FGF14: variants seen among roughly 807,000 people sequenced by gnomAD.
The protein encoded by FGF14 is fibroblast growth factor homologous factor 4.
A neutral mutation model predicts 25.5 loss-of-function variants in FGF14; 5 were observed. The ratio of observed to expected loss-of-function variants is 0.20; its 90% CI spans 0.10 to 0.41. The LOEUF (loss-of-function observed/expected upper bound fraction) is 0.41. FGF14 is among the 10% of genes least tolerant of loss of function. FGF14 has a pLI of 1.00. For missense variants in FGF14, 222 were observed against 320.1 expected (o/e 0.69, Z 2.34); for synonymous variants, 138 against 118.3 (o/e 1.17, Z -1.08).
chr13:102,067,065 T>C (rs571957883), intron 1 of FGF14, among the ~76,000 whole-genome samples: 2 of 152,340 alleles, frequency 1.3e-5, no homozygotes, highest in Non-Finnish European at 2.9e-5. Context: ...CTTAAAACTA[T>C]GTTTCTGGAG....
At chr13:102,293,856 C>T (rs759672223) in intron 1 of FGF14, 6 of 152,196 alleles carry the variant, frequency 3.9e-5, no homozygotes, top group African/African-American at 7.2e-5. Context: ...AGTGTTATAA[C>T]GAATATTTTT....
At chr13:102,175,956 T>C (rs1028799875) in intron 1 of FGF14, among the ~76,000 whole-genome samples, 2 of 152,104 alleles carry the variant, frequency 1.3e-5, no homozygotes, top group Non-Finnish European at 2.9e-5. Flanking sequence ...GAAATGCTTA[T>C]ACATTGTCGG....
At chr13:102,207,389 A>C (rs1028799919) in intron 1 of FGF14, among the ~76,000 whole-genome samples, 1 of 151,992 alleles carries the variant, frequency 6.6e-6, no homozygotes, top group African/African-American at 2.4e-5. Context: ...ATGAGAAGCC[A>C]TTTTACACCT....
intron 1 of FGF14, among the ~76,000 whole-genome samples, chr13:102,126,151 C>T (rs1437667148): frequency 6.7e-6 from 1 of 148,818 alleles, no homozygotes; most frequent in East Asian, 1.9e-4. Context: ...CAACCATCAC[C>T]ACTACTTTTT....
intron 1 of FGF14, among the ~76,000 whole-genome samples, chr13:102,037,923 C>T (rs2041553961): frequency 6.6e-6 from 1 of 152,006 alleles, no homozygotes; most frequent in Non-Finnish European, 1.5e-5. Flanking sequence ...TGTTAATTCC[C>T]CCATTTTATA....
chr13:101,854,875 GATTTT>G (rs2044041200), intron 3 of FGF14, among the ~76,000 whole-genome samples: 1 of 151,972 alleles, frequency 6.6e-6, no homozygotes, highest in South Asian at 2.1e-4. Context: ...CCTAAGGATG[GATTTT>G]ATTTTCATAG....
chr13:101,894,703 T>C (rs992847242), intron 1 of FGF14, among the ~76,000 whole-genome samples: 2 of 152,182 alleles, frequency 1.3e-5, no homozygotes, highest in African/African-American at 4.8e-5. Flanking sequence ...CTTCCTATCA[T>C]GGTTTGGGAC....
At chr13:102,229,616 C>G (rs2050986929) in intron 1 of FGF14, among the ~76,000 whole-genome samples, 1 of 152,202 alleles carries the variant, frequency 6.6e-6, no homozygotes, top group South Asian at 2.1e-4. Flanking sequence ...ACTCTCCTGG[C>G]TGTCCTCTTC....
intron 1 of FGF14, among the ~76,000 whole-genome samples, chr13:102,326,683 GGGAAGGGAAGGGAAGGAAGGAAGGAA>G (rs2056441748): frequency 5.8e-5 from 4 of 68,890 alleles, no homozygotes; most frequent in African/African-American, 2.7e-4. Flanking sequence ...GGGAAGGGAA[GGGAAGGGAAGGGAAGGAAGGAAGGAA>G]GGAAGGAAGG....
chr13:102,104,536 A>G (rs1375229364), intron 1 of FGF14, among the ~76,000 whole-genome samples: 1 of 152,110 alleles, frequency 6.6e-6, no homozygotes, highest in East Asian at 1.9e-4. Context: ...AAAACCTTGG[A>G]AGGCTGAGAC....
rs191121260 is a variant in FGF14, at chr13:101,998,125, C to T, written c.209-122829G>A. 3.9e-5 allele frequency among the ~76,000 whole-genome samples: 6 copies of T among 152,048 alleles called. No individual in the cohort carries two copies. The East Asian group carries it at 7.7e-4, about 20-fold the overall frequency. On this transcript the variant is annotated intron_variant, in intron 1 of 4. Coordinates refer to the FGF14 transcript ENST00000376131. Reference sequence around the variant, plus strand: ...GATATCATATTCCATTTCATTCAGTCGCAATACGCTTCTCAAAAAAAACTA... The same window carrying T: ...GATATCATATTCCATTTCATTCAGTTGCAATACGCTTCTCAAAAAAAACTA...
chr13:101,862,335 T>C (rs2044465828), intron 3 of FGF14, among the ~76,000 whole-genome samples: 2 of 152,114 alleles, frequency 1.3e-5, no homozygotes, highest in African/African-American at 4.8e-5. Context: ...ATTATCTTCT[T>C]TCCTTTATAT....
At chr13:102,198,201 C>T (rs969159300) in intron 1 of FGF14, among the ~76,000 whole-genome samples, 1 of 152,106 alleles carries the variant, frequency 6.6e-6, no homozygotes, top group Admixed American at 6.6e-5. Context: ...TTTTTAGGCA[C>T]CATCGGAAGC....
chr13:101,749,472 T>C (rs759506536), intron 3 of FGF14, among the ~76,000 whole-genome samples: 2 of 151,978 alleles, frequency 1.3e-5, no homozygotes, highest in African/African-American at 2.4e-5. Context: ...ATGACAAAAA[T>C]ACAGAAATAG....
chr13:101,989,432 T>TTGTTTCCTACATTATAACG (rs1364574782), intron 1 of FGF14, among the ~76,000 whole-genome samples: 1 of 152,084 alleles, frequency 6.6e-6, no homozygotes, highest in African/African-American at 2.4e-5. Context: ...AATGTACATT[T>TTGTTTCCTACATTATAACG]TGTTTCCTAC....
At chr13:101,831,512 A>T (rs1308433641) in intron 3 of FGF14, among the ~76,000 whole-genome samples, 1 of 152,094 alleles carries the variant, frequency 6.6e-6, no homozygotes, top group Non-Finnish European at 1.5e-5. Flanking sequence ...GGATTCAAAA[A>T]CACTGCAACA....
intron 1 of FGF14, among the ~76,000 whole-genome samples, chr13:101,997,258 C>G (rs73571529): frequency 6.6e-6 from 1 of 151,200 alleles, no homozygotes; most frequent in African/African-American, 2.5e-5. Context: ...GCTTCTAGAA[C>G]AGTGCCCACT....
chr13:101,978,433 G>A (rs970613009), intron 1 of FGF14, among the ~76,000 whole-genome samples: 20 of 152,120 alleles, frequency 1.3e-4, no homozygotes, highest in Non-Finnish European at 2.5e-4. Flanking sequence ...AGCCAGAAGG[G>A]TCACTAAATA....
intron 1 of FGF14, among the ~76,000 whole-genome samples, chr13:102,332,881 T>G (rs2056675922): frequency 6.6e-6 from 1 of 152,204 alleles, no homozygotes; most frequent in Non-Finnish European, 1.5e-5. Context: ...TCTCAATAAA[T>G]AGCTCAGTTA....
Sources: gnomAD v4.1 joint callset for allele counts (sites outside exome capture counted in the v4.1 genomes callset) on GRCh38, gnomAD v4.1.1 for gene constraint, MANE v1.5 for transcripts, NCBI Gene and HGNC (gene_info 2026-07-23, HGNC 2026-07-21) for gene names.